The following LIX1 variants were observed in gnomAD, a reference collection of about 807,000 sequenced individuals.
LIX1 encodes the protein limb and CNS expressed 1.
LIX1 carries 24 observed loss-of-function variants against 33.4 expected under a neutral mutation model. The ratio of observed to expected loss-of-function variants is 0.72; its 90% CI spans 0.52 to 1.01. The LOEUF (loss-of-function observed/expected upper bound fraction) is 1.01, where lower values mean the gene tolerates loss of function less well. Ranked by LOEUF, LIX1 falls within the 50% of genes least tolerant of loss-of-function variation. LIX1 has a pLI of 0.00. For missense variants in LIX1, 311 were observed against 339.2 expected, an observed-to-expected ratio of 0.92 and a Z score of 0.65; for synonymous variants, 124 against 124.0, an observed-to-expected ratio of 1.00 and a Z score of 0.00.
chr5:97,128,810 T>C (rs749262048), intron 1 of LIX1, among the ~76,000 whole-genome samples: 1 of 152,220 alleles, frequency 6.6e-6, no homozygotes, highest in African/African-American at 2.4e-5. Context: ...AGCATCAGTT[T>C]CTTTCAGTCT....
At position 97,093,683 on chromosome 5, in the gene LIX1, T is replaced by C. The variant is rs184438849; in HGVS notation, c.*1065A>G. 1 of 150,546 alleles carries C rather than the reference T, an allele frequency of 6.6e-6. No individual in the cohort carries two copies. Among genetic ancestry groups the C allele is most frequent in the African/African-American group, 2.4e-5 (1 of 40,846 alleles). The allele number at this position is 150,546 out of a possible 1,614,324, so 9.3% of individuals were successfully genotyped here. ...ATTTTCTAATCAGTTGATTGACCCA[T>C]ATGGATGAGTTAAATAGAGATGGCA... On this transcript the variant is annotated 3_prime_UTR_variant, in exon 6 of 6. Coordinates refer to ENST00000274382, the MANE Select transcript of LIX1 (RefSeq NM_153234.5).
chr5:97,116,553 C>T (rs879423504), intron 2 of LIX1, among the ~76,000 whole-genome samples: 2 of 152,126 alleles, frequency 1.3e-5, no homozygotes, highest in Admixed American at 1.3e-4. Flanking sequence ...ATAATATAAA[C>T]CACCTGGCCT....
chr5:97,138,579 G>T (rs1298418608), intron 1 of LIX1, among the ~76,000 whole-genome samples: 1 of 152,136 alleles, frequency 6.6e-6, no homozygotes, highest in Admixed American at 6.6e-5. Flanking sequence ...GACCCAACCT[G>T]CCTCCTCAGT....
chr5:97,113,028 C>T (rs765046359), intron 2 of LIX1, among the ~76,000 whole-genome samples: 30 of 152,180 alleles, frequency 2.0e-4, no homozygotes, highest in Non-Finnish European at 3.7e-4. Context: ...CTATGACTTC[C>T]GTCTTGGTCT....
chr5:97,107,769 A>G (rs1747135197), intron 2 of LIX1, among the ~76,000 whole-genome samples: 1 of 152,244 alleles, frequency 6.6e-6, no homozygotes, highest in African/African-American at 2.4e-5. Context: ...TGCATACTCT[A>G]TTAATGAGTA....
At position 97,124,515 on chromosome 5, in the gene LIX1, A is replaced by C; in HGVS notation, c.197T>G (p.Phe66Cys). ...CCCTGGGAGGGTCACGTAACTCACA[A>C]AGGGAGGCCCAGGAGCTGGCAGTGA... ...YESLPAPGPPFVSYVTLPGGS... is the reference protein window; with the variant it reads ...YESLPAPGPPCVSYVTLPGGS... The change falls in exon 2 of 6, where the codon TTT becomes TGT. Residue 66 changes from phenylalanine to cysteine, a missense_variant. Transcript: ENST00000274382. The C allele has an allele frequency of 6.2e-7, 1 of 1,609,896 alleles. No individual in the cohort carries two copies. Among genetic ancestry groups the C allele is most frequent in the South Asian group, 1.1e-5 (1 of 90,428 alleles).
intron 2 of LIX1, among the ~76,000 whole-genome samples, chr5:97,120,711 G>A (rs1290060176): frequency 2.0e-5 from 3 of 152,098 alleles, no homozygotes; most frequent in South Asian, 2.1e-4. Flanking sequence ...AGAGGAAATC[G>A]GGGAGATAAA....
intron 1 of LIX1, among the ~76,000 whole-genome samples, chr5:97,129,523 G>A (rs546579547): frequency 4.6e-5 from 7 of 151,782 alleles, no homozygotes; most frequent in Non-Finnish European, 7.4e-5. Flanking sequence ...GCACCCCCTT[G>A]AAATAGGTAT....
intron 2 of LIX1, among the ~76,000 whole-genome samples, chr5:97,112,150 G>A (rs1185048366): frequency 1.3e-5 from 2 of 152,160 alleles, no homozygotes; most frequent in Non-Finnish European, 2.9e-5. Flanking sequence ...AGCCAGTAAG[G>A]GCTGCATATT....
At chr5:97,116,556 C>A (rs553368290) in intron 2 of LIX1, among the ~76,000 whole-genome samples, 3 of 152,230 alleles carry the variant, frequency 2.0e-5, no homozygotes, top group South Asian at 4.1e-4. Flanking sequence ...ATATAAACCA[C>A]CTGGCCTTCT....
intron 4 of LIX1, among the ~76,000 whole-genome samples, chr5:97,104,118 T>C (rs535655557): frequency 2.0e-5 from 3 of 152,244 alleles, no homozygotes; most frequent in South Asian, 4.2e-4. Flanking sequence ...GGCTGTGCCA[T>C]TGGGGTCAGG....
chr5:97,124,750 A>G, intron 1 of LIX1, 121 bp from the exon 2 acceptor site: 1 of 661,282 alleles, frequency 1.5e-6, no homozygotes, highest in Non-Finnish European at 2.5e-6. Context: ...AGAGCTGGGT[A>G]TGTGGATAGT....
chr5:97,137,065 C>T (rs1035017229), intron 1 of LIX1: 15 of 432,354 alleles, frequency 3.5e-5, no homozygotes, highest in African/African-American at 1.0e-4. Context: ...TCAGTAAAAC[C>T]GTGTCATTTA....
At chr5:97,117,921 G>GAA (rs3041175) in intron 2 of LIX1, among the ~76,000 whole-genome samples, 1 of 140,234 alleles carries the variant, frequency 7.1e-6, no homozygotes. Context: ...GTTACAAATG[G>GAA]AAAAAAAAAA....
chr5:97,125,407 A>T lies in LIX1; in HGVS notation c.83-778T>A, dbSNP rs1747892295. Among the ~76,000 whole-genome samples, 4 of 152,252 alleles carry T rather than the reference A, an allele frequency of 2.6e-5. No individual in the cohort carries two copies. In the South Asian group the frequency reaches 8.3e-4, roughly 31 times the overall value. The stretch of plus-strand genomic sequence containing the variant: ...GAATTGTAGAGTCAAAAGTGACCTT[A>T]TAGGTCATGTAGGCAAAGCCCTGCC... On this transcript the variant is annotated intron_variant, in intron 1 of 5. Transcript: ENST00000274382.
chr5:97,141,858 T>G (rs970869272), intron 1 of LIX1, among the ~76,000 whole-genome samples: 1 of 152,254 alleles, frequency 6.6e-6, no homozygotes, highest in Admixed American at 6.5e-5. Flanking sequence ...GATTGAATTA[T>G]TTTTAAATCA....
chr5:97,137,470 A>G (rs1748195775), intron 1 of LIX1, among the ~76,000 whole-genome samples: 1 of 152,106 alleles, frequency 6.6e-6, no homozygotes, highest in Non-Finnish European at 1.5e-5. Flanking sequence ...ATTTACTGAA[A>G]AAAAAAAAGA....
chr5:97,105,346 C>A, intron 3 of LIX1, 61 bp from the exon 4 acceptor site: 1 of 1,395,158 alleles, frequency 7.2e-7, no homozygotes, highest in South Asian at 1.2e-5. Flanking sequence ...TTTGAATGGT[C>A]ACAAATTAAT....
rs1182461117 is a variant in LIX1 at position 97,099,347 on chromosome 5, T to C, written c.484-2460A>G. ...CAAATTTGTGTTGCCCTTCCTACCATACTAACAAACCAACTCACCGAATAC... is the reference window on the plus strand; with the variant it reads ...CAAATTTGTGTTGCCCTTCCTACCACACTAACAAACCAACTCACCGAATAC... On this transcript the variant is annotated intron_variant, in intron 4 of 5. Coordinates refer to ENST00000274382, the MANE Select transcript of LIX1 (RefSeq NM_153234.5). 3.3e-5 allele frequency among the ~76,000 whole-genome samples: 5 copies of C among 152,234 alleles called. No individual in the cohort carries two copies. The East Asian group carries it at 9.6e-4, about 29-fold the overall frequency.
Sources: gnomAD v4.1 joint callset for allele counts (sites outside exome capture counted in the v4.1 genomes callset) on GRCh38, gnomAD v4.1.1 for gene constraint, MANE v1.5 for transcripts, NCBI Gene and HGNC (gene_info 2026-07-23, HGNC 2026-07-21) for gene names.